ZNF462: variants seen among roughly 807,000 people sequenced by gnomAD.
The protein encoded by ZNF462 is zinc finger PBX1-interacting protein.
A neutral mutation model predicts 201.9 loss-of-function variants in ZNF462; 10 were observed. The ratio of observed to expected loss-of-function variants is 0.05; its 90% CI spans 0.03 to 0.08. The LOEUF is 0.08. ZNF462 is among the 10% of genes least tolerant of loss of function. The pLI is 1.00. For synonymous variants in ZNF462, 1,227 were observed against 1,193.3 expected (o/e 1.03, Z -0.58); for missense variants, 2,523 against 3,168.3 (o/e 0.80, Z 4.89).
In ZNF462 at chr9:106,935,024, A is replaced by G. The variant is rs1419810085; in HGVS notation, c.6117-479A>G. On this transcript the variant is annotated intron_variant, in intron 5 of 12. Coordinates refer to ENST00000277225, the MANE Select transcript of ZNF462 (RefSeq NM_021224.6). This position sits in a 1 kb window ranked among gnomAD's most constrained non-coding sequence, Gnocchi z 4.1. Reference sequence around the variant, plus strand: ...CTTCGAAACCTCCCTTCCTCACTCTAGTGTTCACAATGAAAGTAGAATTAG... The same window carrying G: ...CTTCGAAACCTCCCTTCCTCACTCTGGTGTTCACAATGAAAGTAGAATTAG... Among the ~76,000 whole-genome samples the G allele has an allele frequency of 6.6e-6, 1 of 152,180 alleles. No homozygotes were observed. Among genetic ancestry groups the G allele is most frequent in the Admixed American group, 6.5e-5 (1 of 15,284 alleles).
chr9:106,998,058 C>G (rs1010532972), intron 10 of ZNF462, among the ~76,000 whole-genome samples: 3 of 152,104 alleles, frequency 2.0e-5, no homozygotes, highest in Non-Finnish European at 4.4e-5. Context: ...ACTTATCTGG[C>G]CCTTTACACA....
chr9:106,915,867 G>C (rs774030357), intron 1 of ZNF462, among the ~76,000 whole-genome samples: 10 of 152,206 alleles, frequency 6.6e-5, no homozygotes, highest in Non-Finnish European at 1.2e-4. Flanking sequence ...GGCAGATCCA[G>C]GTGCCAGGCT....
At chr9:106,894,609 A>G (rs1828733177) in intron 1 of ZNF462, among the ~76,000 whole-genome samples, 1 of 152,284 alleles carries the variant, frequency 6.6e-6, no homozygotes, top group Admixed American at 6.5e-5. Flanking sequence ...GAAAACTCTT[A>G]AATAAGTACT....
At chr9:106,877,626 C>G (rs1042486171) in intron 1 of ZNF462, among the ~76,000 whole-genome samples, 1 of 152,060 alleles carries the variant, frequency 6.6e-6, no homozygotes, top group Non-Finnish European at 1.5e-5. Flanking sequence ...GTGATCTGCC[C>G]ACCTCGGCCT....
chr9:106,930,449 T>C lies in ZNF462; in HGVS notation c.5848-76T>C, dbSNP rs1287498637. 1.3e-6 allele frequency: 2 copies of C among 1,567,154 alleles called. No individual in the cohort carries two copies. Among genetic ancestry groups the C allele is most frequent in the East Asian group, 4.5e-5 (2 of 44,242 alleles). On this transcript the variant is annotated intron_variant, in intron 3 of 12. Coordinates refer to ENST00000277225, the MANE Select transcript of ZNF462 (RefSeq NM_021224.6). The surrounding 1 kb of genome is among the most constrained non-coding windows in gnomAD (Gnocchi z 5.8). ...TAATCGGCTTTAAAATAAAGTATGTTAGTAAACTGCAAGAATAAATTCTGA... is the reference window on the plus strand; with the variant it reads ...TAATCGGCTTTAAAATAAAGTATGTCAGTAAACTGCAAGAATAAATTCTGA...
In ZNF462 at chr9:107,003,243, C is replaced by T. The variant is rs760689830; in HGVS notation, c.7057-51C>T. 8 of 1,603,106 alleles carry T rather than the reference C, an allele frequency of 5.0e-6. No individual in the cohort carries two copies. Among genetic ancestry groups the T allele is most frequent in the Non-Finnish European group, 6.0e-6 (7 of 1,174,788 alleles). ...GAAAGATCTCTCCATCAGGGAGAAC[C>T]CCATTTGGTCTGCGGTTTATTATTC... On this transcript the variant is annotated intron_variant, in intron 10 of 12. Transcript: ENST00000277225. This position sits in a 1 kb window ranked among gnomAD's most constrained non-coding sequence, Gnocchi z 4.4.
In ZNF462 at chr9:106,977,824, G is replaced by A. The variant is rs1827132069; in HGVS notation, c.6832+3551G>A. Among the ~76,000 whole-genome samples the A allele has an allele frequency of 6.6e-6, 1 of 151,562 alleles. No homozygotes were observed. The highest frequency in any genetic ancestry group is 1.5e-5 in the Non-Finnish European group (1 of 68,038). On this transcript the variant is annotated intron_variant, in intron 9 of 12. Coordinates refer to ENST00000277225, the MANE Select transcript of ZNF462 (RefSeq NM_021224.6). The surrounding 1 kb of genome is among the most constrained non-coding windows in gnomAD (Gnocchi z 4.6). ...GGCATATTAGTTTGCAAGGACTATT[G>A]TAACAAGTGACCACCAAATGTGTAG... is the stretch of plus-strand genomic sequence containing the variant.
chr9:106,925,466 G>A lies in ZNF462; in HGVS notation c.1554G>A (p.Val518=). 1 of 1,614,174 alleles carries A rather than the reference G, an allele frequency of 6.2e-7. No individual in the cohort carries two copies. Among genetic ancestry groups the A allele is most frequent in the Non-Finnish European group, 8.5e-7 (1 of 1,180,040 alleles). ...CTTCCTCACTGAATGAAGGTGTGGTGTCTTATGAGAGCTCAAGCATCAATG... is the reference window on the plus strand; with the variant it reads ...CTTCCTCACTGAATGAAGGTGTGGTATCTTATGAGAGCTCAAGCATCAATG... ...SISSSLNEGV[V]SYESSSINGR... Residue 518 remains valine (V), a synonymous_variant, in exon 3 of 13, where the codon GTG becomes GTA. Coordinates refer to ENST00000277225, the MANE Select transcript of ZNF462 (RefSeq NM_021224.6). This position sits in a 1 kb window ranked among gnomAD's most constrained non-coding sequence, Gnocchi z 7.9.
rs1165445355 is a variant in ZNF462 at position 106,928,788 on chromosome 9, G to C, written c.4876G>C (p.Glu1626Gln). The C allele has an allele frequency of 1.2e-6, 2 of 1,613,992 alleles. No individual in the cohort carries two copies. The highest frequency in any genetic ancestry group is 1.7e-6 in the Non-Finnish European group (2 of 1,180,028). ...CCCCCTCGAGCCCGAGATGACCACT[G>C]AAGTGAGCCCTTCCCAAGTCTCCAT... ...PVPLEPEMTT[E>Q]VSPSQVSITE... The change falls in exon 3 of 13, where the codon GAA becomes CAA. Residue 1626 changes from glutamate (E) to glutamine (Q), a missense_variant. Coordinates refer to ENST00000277225, the MANE Select transcript of ZNF462 (RefSeq NM_021224.6). This position sits in a 1 kb window ranked among gnomAD's most constrained non-coding sequence, Gnocchi z 9.3.
At chr9:106,887,069 AAG>A (rs1304990390) in intron 1 of ZNF462, among the ~76,000 whole-genome samples, 1 of 152,238 alleles carries the variant, frequency 6.6e-6, no homozygotes, top group Non-Finnish European at 1.5e-5. Flanking sequence ...TCAAACAAAA[AAG>A]AGAATATTTA....
Position 106,880,877 on chromosome 9 carries a change from G to A in ZNF462, c.-31+17522G>A, listed in dbSNP as rs1257665541. Among the ~76,000 whole-genome samples the A allele has an allele frequency of 6.6e-6, 1 of 152,178 alleles. No homozygotes were observed. Among genetic ancestry groups the A allele is most frequent in the Non-Finnish European group, 1.5e-5 (1 of 68,032 alleles). ...ATACCTGTACGTTACTCTGTACCTC[G>A]TGGGTTTAACTCTGAGGTTGATAGA... On this transcript the variant is annotated intron_variant, in intron 1 of 12. Transcript: ENST00000277225. The surrounding 1 kb of genome is among the most constrained non-coding windows in gnomAD (Gnocchi z 4.1).
rs1227127273 is a variant in ZNF462, at chr9:106,930,963, T to C, written c.6012+274T>C. ...GATTCTCGGTCTAGGAGGCTTCGGG[T>C]CGTCCTTCTATTCTGCGTTTAGTGC... is the stretch of plus-strand genomic sequence containing the variant. On this transcript the variant is annotated intron_variant, in intron 4 of 12. Transcript: ENST00000277225. This position sits in a 1 kb window ranked among gnomAD's most constrained non-coding sequence, Gnocchi z 5.8. 1 of 338,342 alleles carries C rather than the reference T, an allele frequency of 3.0e-6. No homozygotes were observed. Among genetic ancestry groups the C allele is most frequent in the Non-Finnish European group, 5.6e-6 (1 of 177,654 alleles). 21.0% of individuals were successfully genotyped at this position (338,342 alleles called of 1,614,324 possible).
upstream of ZNF462, chr9:106,863,151 A>T (rs1587959017): frequency 2.5e-6 from 1 of 398,908 alleles, no homozygotes; most frequent in Non-Finnish European, 4.4e-6. Context: ...ATCTCAGGTC[A>T]TCTGCAGCTG....
At chr9:106,946,545 G>T (rs1831112179) in intron 7 of ZNF462, among the ~76,000 whole-genome samples, 2 of 152,158 alleles carry the variant, frequency 1.3e-5, no homozygotes, top group Admixed American at 1.3e-4. Flanking sequence ...ATAGGCAGAA[G>T]GAAGGGTATT....
rs1479631744 is a variant in ZNF462, at chr9:106,865,201, T to C, written c.-31+1846T>C. Among the ~76,000 whole-genome samples the C allele has an allele frequency of 6.6e-6, 1 of 152,202 alleles. No homozygotes were observed. Among genetic ancestry groups the C allele is most frequent in the Non-Finnish European group, 1.5e-5 (1 of 68,036 alleles). On this transcript the variant is annotated intron_variant, in intron 1 of 12. Coordinates refer to ENST00000277225, the MANE Select transcript of ZNF462 (RefSeq NM_021224.6). The surrounding 1 kb of genome is among the most constrained non-coding windows in gnomAD (Gnocchi z 4.1). The stretch of plus-strand genomic sequence containing the variant: ...TTTGTTTCCATTTTAAAGTAAACTT[T>C]TGGAATTTTTTTTCTCCTTTTGAGT...
chr9:106,974,042 A>C lies in ZNF462; in HGVS notation c.6696-95A>C. ...TTAGCCCCACAAGCAGGAGAGCCGC[A>C]CTTGGACATATATAACGGGTTTGCC... On this transcript the variant is annotated intron_variant, in intron 8 of 12. Transcript: ENST00000277225. This position sits in a 1 kb window ranked among gnomAD's most constrained non-coding sequence, Gnocchi z 4.0. 1 of 1,518,986 alleles carries C rather than the reference A, an allele frequency of 6.6e-7. No individual in the cohort carries two copies. The highest frequency in any genetic ancestry group is 9.0e-7 in the Non-Finnish European group (1 of 1,110,412). 94.1% of individuals were successfully genotyped at this position (1,518,986 alleles called of 1,614,324 possible).
rs75100881 is a variant in ZNF462, at chr9:106,883,660, T to C, written c.-31+20305T>C. Among the ~76,000 whole-genome samples, 33 of 152,358 alleles carry C rather than the reference T, an allele frequency of 2.2e-4. No homozygotes were observed. The East Asian group carries it at 5.6e-3, about 26-fold the overall frequency. ...GGCAGGTGATTTTGTTTTTGTGTTA[T>C]TATTTTTGTATTGTAAACAGGGGAT... On this transcript the variant is annotated intron_variant, in intron 1 of 12. Transcript: ENST00000277225. This position sits in a 1 kb window ranked among gnomAD's most constrained non-coding sequence, Gnocchi z 4.9.
chr9:106,952,147 G>T (rs905449753), intron 7 of ZNF462, among the ~76,000 whole-genome samples: 5 of 152,144 alleles, frequency 3.3e-5, no homozygotes, highest in African/African-American at 1.2e-4. Context: ...CATTCACATT[G>T]TTGTTAATGA....
In ZNF462 at chr9:106,925,257, A is replaced by G. The variant is rs765288004; in HGVS notation, c.1345A>G (p.Met449Val). 1.9e-6 allele frequency: 3 copies of G among 1,614,162 alleles called. No homozygotes were observed. Among genetic ancestry groups the G allele is most frequent in the Non-Finnish European group, 2.5e-6 (3 of 1,180,044 alleles). The part of the protein sequence containing the change: ...FQCPFCPFLT[M>V]HRRSISRHIE... ...GTGCCCCTTTTGTCCTTTCCTCACC[A>G]TGCATCGACGTAGCATCTCTCGTCA... The change falls in exon 3 of 13, where the codon ATG becomes GTG. Residue 449 changes from methionine (M) to valine (V), a missense_variant. Physicochemically the swap from Met to Val is conservative, Grantham distance 21 (BLOSUM62 1). Around this residue, in one of 15 missense-constraint regions of ZNF462, gnomAD observed 13 missense variants for 43.2 expected, o/e 0.30. Coordinates refer to ENST00000277225, the MANE Select transcript of ZNF462 (RefSeq NM_021224.6). The surrounding 1 kb of genome is among the most constrained non-coding windows in gnomAD (Gnocchi z 7.9).
Sources: gnomAD v4.1 joint callset for allele counts (sites outside exome capture counted in the v4.1 genomes callset) on GRCh38, gnomAD v4.1.1 for gene constraint, gnomAD v4.1.1 regional missense constraint, Gnocchi (gnomAD v3.1) non-coding constraint, MANE v1.5 for transcripts, NCBI Gene and HGNC (gene_info 2026-07-23, HGNC 2026-07-21) for gene names.